The following FAM227B variants were observed in gnomAD, a reference collection of about 807,000 sequenced individuals.
FAM227B encodes the protein protein FAM227B.
In FAM227B, 88 loss-of-function variants were observed where a neutral mutation model predicts 73.8. The observed-to-expected ratio is 1.19, with a 90% CI of 1.00 to 1.42. The LOEUF is 1.42. Among genes scored for constraint, FAM227B ranks in the 40% most tolerant of loss-of-function variants. The probability of loss-of-function intolerance (pLI) is 0.00; values close to 1 mark genes in which losing one functional copy is unlikely to be tolerated. For missense variants in FAM227B, 632 were observed against 590.9 expected, an observed-to-expected ratio of 1.07 and a Z score of -0.72; for synonymous variants, 210 against 190.5, an observed-to-expected ratio of 1.10 and a Z score of -0.84.
intron 9 of FAM227B, among the ~76,000 whole-genome samples, chr15:49,554,404 C>T (rs934513836): frequency 6.6e-6 from 1 of 152,130 alleles, no homozygotes; most frequent in African/African-American, 2.4e-5. Context: ...GGCCTAGACT[C>T]TCAGATTTAC....
intron 11 of FAM227B, among the ~76,000 whole-genome samples, chr15:49,493,618 T>G (rs1242648094): frequency 2.0e-5 from 3 of 152,020 alleles, no homozygotes; most frequent in Non-Finnish European, 4.4e-5. Context: ...CATGTCAATC[T>G]ATGCCATTAA....
At chr15:49,558,613 G>T (rs1158540839) in intron 9 of FAM227B, among the ~76,000 whole-genome samples, 1 of 152,066 alleles carries the variant, frequency 6.6e-6, no homozygotes, top group African/African-American at 2.4e-5. Flanking sequence ...GCCTGCCCCT[G>T]GTTTCCACCA....
chr15:49,415,255 A>G (rs941527566), intron 11 of FAM227B, among the ~76,000 whole-genome samples: 1 of 152,176 alleles, frequency 6.6e-6, no homozygotes, highest in African/African-American at 2.4e-5. Flanking sequence ...AATAATGACA[A>G]TTTAGAGCTA....
At chr15:49,404,076 C>T (rs2048353876) in intron 11 of FAM227B, among the ~76,000 whole-genome samples, 1 of 151,978 alleles carries the variant, frequency 6.6e-6, no homozygotes, top group African/African-American at 2.4e-5. Flanking sequence ...ATTTTGAATG[C>T]ATTTCTTATT....
At chr15:49,360,510 G>T (rs1409531290) in intron 13 of FAM227B, among the ~76,000 whole-genome samples, 4 of 152,020 alleles carry the variant, frequency 2.6e-5, no homozygotes, top group Non-Finnish European at 5.9e-5. Flanking sequence ...TTAAATTTTT[G>T]GGTATTCTTT....
chr15:49,446,368 G>A (rs778269292), intron 11 of FAM227B, among the ~76,000 whole-genome samples: 12 of 151,568 alleles, frequency 7.9e-5, no homozygotes, highest in Non-Finnish European at 1.6e-4. Flanking sequence ...TGGATACAAA[G>A]ATAAACAATG....
chr15:49,375,502 C>G (rs1038590017), intron 11 of FAM227B, among the ~76,000 whole-genome samples: 2 of 123,166 alleles, frequency 1.6e-5, no homozygotes, highest in Non-Finnish European at 3.6e-5. Context: ...TAAAGCATTT[C>G]TATTTTTTTT....
At chr15:49,429,292 A>G (rs151235145) in intron 11 of FAM227B, among the ~76,000 whole-genome samples, 7 of 152,114 alleles carry the variant, frequency 4.6e-5, no homozygotes, top group African/African-American at 1.4e-4. Flanking sequence ...AGGGCTTTAA[A>G]TTATGAAGAA....
At chr15:49,483,397 G>A (rs11853248) in intron 11 of FAM227B, 158,338 of 553,076 alleles carry the variant, frequency 0.29, 24,958 homozygotes, top group Non-Finnish European at 0.34. Context: ...ATACTCAAAC[G>A]TTAAGAAAAA....
At chr15:49,370,607 G>T (rs186690735) in intron 12 of FAM227B, among the ~76,000 whole-genome samples, 6 of 152,156 alleles carry the variant, frequency 3.9e-5, no homozygotes, top group Non-Finnish European at 5.9e-5. Context: ...TTCAGAAAGT[G>T]GTTTTTATAT....
At chr15:49,349,665 G>T (rs551532296) in intron 13 of FAM227B, among the ~76,000 whole-genome samples, 2 of 152,248 alleles carry the variant, frequency 1.3e-5, no homozygotes, top group African/African-American at 4.8e-5. Flanking sequence ...TCACTGATCA[G>T]AAATATTCTA....
intron 5 of FAM227B, among the ~76,000 whole-genome samples, chr15:49,583,396 G>A (rs191971315): frequency 8.5e-5 from 13 of 152,094 alleles, no homozygotes; most frequent in African/African-American, 1.7e-4. Context: ...CCAAAATGGC[G>A]ACGAGAGTGA....
chr15:49,514,459 CTT>C (rs1475562272), intron 10 of FAM227B, among the ~76,000 whole-genome samples: 2 of 152,054 alleles, frequency 1.3e-5, no homozygotes, highest in East Asian at 3.9e-4. Flanking sequence ...TATTCTAAGA[CTT>C]TGCTGAAGTT....
intron 8 of FAM227B, chr15:49,574,729 C>A (rs1228899196): frequency 4.0e-5 from 7 of 174,346 alleles, no homozygotes; most frequent in Non-Finnish European, 7.2e-5. Flanking sequence ...GATTAAAAAT[C>A]TGACTTAGAC....
chr15:49,453,327 T>C (rs1210569069), intron 11 of FAM227B, among the ~76,000 whole-genome samples: 1 of 152,170 alleles, frequency 6.6e-6, no homozygotes, highest in Non-Finnish European at 1.5e-5. Context: ...TGGTCTCAAA[T>C]GCCTGAGCTC....
intron 3 of FAM227B, among the ~76,000 whole-genome samples, chr15:49,594,289 T>G (rs550995213): frequency 6.6e-6 from 1 of 152,124 alleles, no homozygotes; most frequent in African/African-American, 2.4e-5. Context: ...TTTTTTTTCT[T>G]GCTGATTTGA....
At chr15:49,367,371 A>G (rs2045383665) in intron 13 of FAM227B, 77 bp downstream of exon 13, 1 of 1,268,400 alleles carries the variant, frequency 7.9e-7, no homozygotes, top group Non-Finnish European at 1.1e-6. Flanking sequence ...TTGTTTCTCA[A>G]TTGAGACATT....
chr15:49,328,077 G>GTGA lies in FAM227B; in HGVS notation c.*488_*490dup, dbSNP rs1356834356. On this transcript the variant is annotated 3_prime_UTR_variant, in exon 16 of 16. Coordinates refer to ENST00000299338, the MANE Select transcript of FAM227B (RefSeq NM_152647.3). ...GTGCACAAAGCTTATTACCAGAGGA[G>GTGA]TGATGGAAGCTTAGCACCGGAGAAG... The GTGA allele has an allele frequency of 4.3e-6, 7 of 1,614,092 alleles. No individual in the cohort carries two copies. The highest frequency in any genetic ancestry group is 1.7e-4 in the Middle Eastern group (1 of 6,060).
At chr15:49,389,231 G>A (rs1961692) in intron 11 of FAM227B, among the ~76,000 whole-genome samples, 14,571 of 151,964 alleles carry the variant, frequency 0.096, 2,121 homozygotes, top group African/African-American at 0.32. Flanking sequence ...CAAAGATGTA[G>A]AACCAACCTA....
Sources: gnomAD v4.1 joint callset for allele counts (sites outside exome capture counted in the v4.1 genomes callset) on GRCh38, gnomAD v4.1.1 for gene constraint, MANE v1.5 for transcripts, NCBI Gene and HGNC (gene_info 2026-07-23, HGNC 2026-07-21) for gene names.